The following SGIP1 variants were observed in gnomAD, a reference collection of about 807,000 sequenced individuals.
SGIP1 encodes SH3GL interacting endocytic adaptor 1.
In SGIP1, 38 loss-of-function variants were observed where a neutral mutation model predicts 107.5. The observed-to-expected ratio is 0.35, with a 90% CI of 0.27 to 0.46. SGIP1 has a LOEUF of 0.46. Among genes scored for constraint, SGIP1 ranks in the 20% least tolerant of loss-of-function variants. The probability of loss-of-function intolerance (pLI) is 1.00; values close to 1 mark genes in which losing one functional copy is unlikely to be tolerated. For missense variants in SGIP1, 929 were observed against 1,019.5 expected (o/e 0.91, Z 1.21); for synonymous variants, 365 against 366.1 (o/e 1.00, Z 0.03).
At chr1:66,733,921 T>A (rs774262402) in intron 21 of SGIP1, 41 bp downstream of exon 21, 38 of 1,579,856 alleles carry the variant, frequency 2.4e-5, no homozygotes, top group East Asian at 1.8e-4. Context: ...CCACATGACA[T>A]ATTTGTTTTC....
chr1:66,713,094 C>T (rs1474387511), intron 18 of SGIP1, among the ~76,000 whole-genome samples: 4 of 152,136 alleles, frequency 2.6e-5, no homozygotes, highest in Non-Finnish European at 1.5e-5. Flanking sequence ...CAGAGTCAGT[C>T]AGTGCTTGGT....
chr1:66,577,597 G>C (rs1022066995), intron 1 of SGIP1, among the ~76,000 whole-genome samples: 1 of 152,120 alleles, frequency 6.6e-6, no homozygotes, highest in African/African-American at 2.4e-5. Context: ...TTGTATTATA[G>C]TGACAAGTGT....
rs2072543435 is a variant in SGIP1 at position 66,625,835 on chromosome 1, GT to G, written c.11-8del. 1.2e-6 allele frequency: 2 copies of G among 1,611,206 alleles called. No individual in the cohort carries two copies. The highest frequency in any genetic ancestry group is 1.7e-6 in the Non-Finnish European group (2 of 1,178,364). ...CTGAGAGAGTTTTTGACCCTTTGCTGTTTTCCCACAGGATTGAAAAAACGTA... is the reference window on the plus strand; with the variant it reads ...CTGAGAGAGTTTTTGACCCTTTGCTGTTTCCCACAGGATTGAAAAAACGTA... On this transcript the variant is annotated splice_polypyrimidine_tract_variant and intron_variant, in intron 1 of 24. Coordinates refer to ENST00000371037, the MANE Select transcript of SGIP1 (RefSeq NM_032291.4).
At chr1:66,659,834 C>T (rs1332382932) in intron 7 of SGIP1, among the ~76,000 whole-genome samples, 1 of 150,826 alleles carries the variant, frequency 6.6e-6, no homozygotes, top group African/African-American at 2.4e-5. Flanking sequence ...CTCTTGAAAC[C>T]AGGAGTTGAG....
intron 8 of SGIP1, among the ~76,000 whole-genome samples, chr1:66,660,970 G>C (rs2081353311): frequency 6.6e-6 from 1 of 152,088 alleles, no homozygotes. Flanking sequence ...AGGGAAGCTG[G>C]GGGGTTTTAT....
At chr1:66,722,133 C>A (rs181242707) in intron 19 of SGIP1, among the ~76,000 whole-genome samples, 1 of 152,048 alleles carries the variant, frequency 6.6e-6, no homozygotes, top group African/African-American at 2.4e-5. Flanking sequence ...GGCCTCATGG[C>A]GTCTCTCTTC....
At chr1:66,697,058 T>C (rs60544640) in intron 18 of SGIP1, among the ~76,000 whole-genome samples, 3,420 of 152,226 alleles carry the variant, frequency 0.022, 141 homozygotes, top group African/African-American at 0.078. Context: ...CTCAAATCAT[T>C]GTCTGGGCTC....
chr1:66,567,137 G>T (rs1288210138), intron 1 of SGIP1, among the ~76,000 whole-genome samples: 1 of 151,850 alleles, frequency 6.6e-6, no homozygotes, highest in Non-Finnish European at 1.5e-5. Flanking sequence ...TTGGTTCCAT[G>T]TTCCTATTTC....
intron 19 of SGIP1, among the ~76,000 whole-genome samples, chr1:66,720,746 A>T (rs17129381): frequency 0.12 from 18,587 of 152,172 alleles, 1,865 homozygotes; most frequent in East Asian, 0.51. Context: ...ATACAATTTT[A>T]AAAACTGGAG....
intron 2 of SGIP1, among the ~76,000 whole-genome samples, chr1:66,630,598 A>G (rs2074062702): frequency 6.6e-6 from 1 of 151,506 alleles, no homozygotes; most frequent in South Asian, 2.1e-4. Flanking sequence ...CCTGATGTCA[A>G]GAGTTTGAGA....
chr1:66,673,245 C>T (rs756479011), intron 11 of SGIP1, 36 bp from the exon 12 acceptor site: 50 of 1,599,650 alleles, frequency 3.1e-5, no homozygotes, highest in Non-Finnish European at 4.1e-5. Flanking sequence ...TTTTTGAGCC[C>T]TTTCCCTGTA....
intron 20 of SGIP1, among the ~76,000 whole-genome samples, chr1:66,730,658 C>T (rs755067300): frequency 5.3e-5 from 8 of 152,160 alleles, no homozygotes; most frequent in Non-Finnish European, 7.4e-5. Context: ...CTGGTGGCTT[C>T]GCATTACACC....
intron 1 of SGIP1, among the ~76,000 whole-genome samples, chr1:66,611,529 G>A (rs549232718): frequency 2.0e-5 from 3 of 152,312 alleles, no homozygotes; most frequent in African/African-American, 7.2e-5. Context: ...CCAAACTCTT[G>A]CTGGCCAACA....
chr1:66,659,950 A>AAG lies in SGIP1; in HGVS notation c.460-562_460-561insGA, dbSNP rs752459188. Among the ~76,000 whole-genome samples, 164 of 43,014 alleles carry AAG rather than the reference A, an allele frequency of 3.8e-3. 6 individuals are homozygous for AAG. In the East Asian group the frequency reaches 0.14, roughly 36 times the overall value. The allele number at this position is 43,014 out of a possible 152,430, so 28.2% of individuals were successfully genotyped here. A position where few individuals can be genotyped will look rare whatever the true frequency, so the allele number is the denominator to read the frequency against. On this transcript the variant is annotated intron_variant, in intron 7 of 24. Transcript: ENST00000371037. ...AAAAAGAGAGAAAGAAAAAGAAAGA[A>AAG]AAAGAAAGAAAGAAAGAAAGAAAGA...
At chr1:66,596,758 G>T (rs995671001) in intron 1 of SGIP1, among the ~76,000 whole-genome samples, 9 of 151,826 alleles carry the variant, frequency 5.9e-5, no homozygotes, top group East Asian at 1.9e-4. Flanking sequence ...ATAGGAAATT[G>T]GGTGAAGGGT....
At chr1:66,726,250 CA>C (rs1318285719) in intron 19 of SGIP1, among the ~76,000 whole-genome samples, 1 of 152,130 alleles carries the variant, frequency 6.6e-6, no homozygotes, top group East Asian at 1.9e-4. Context: ...CCTCTACTGA[CA>C]AAACTAAGCA....
At chr1:66,553,272 C>A (rs1571226250) in intron 1 of SGIP1, among the ~76,000 whole-genome samples, 1 of 152,102 alleles carries the variant, frequency 6.6e-6, no homozygotes, top group Non-Finnish European at 1.5e-5. Context: ...TTCAGAATGA[C>A]CCTCAAAGCC....
At chr1:66,603,700 A>G (rs1478643410) in intron 1 of SGIP1, among the ~76,000 whole-genome samples, 2 of 152,218 alleles carry the variant, frequency 1.3e-5, no homozygotes, top group African/African-American at 4.8e-5. Flanking sequence ...CAAGGTCTAG[A>G]ATGGAAGAAT....
intron 11 of SGIP1, 50 bp from the exon 12 acceptor site, chr1:66,673,230 AT>A (rs781771216): frequency 6.5e-7 from 1 of 1,548,122 alleles, no homozygotes; most frequent in South Asian, 1.1e-5. Context: ...CTTTTTGAGT[AT>A]TAATTTTTGA....
Sources: allele counts gnomAD v4.1 joint callset (sites outside exome capture counted in the v4.1 genomes callset), GRCh38; gene constraint gnomAD v4.1.1; transcripts MANE v1.5; gene names NCBI Gene and HGNC (gene_info 2026-07-23, HGNC 2026-07-21).